The following FAM76A variants were observed in gnomAD, a reference collection of about 807,000 sequenced individuals.
FAM76A encodes protein FAM76A.
A neutral mutation model predicts 46.2 loss-of-function variants in FAM76A; 32 were observed. The ratio of observed to expected loss-of-function variants is 0.69; its 90% CI spans 0.52 to 0.93. The LOEUF is 0.93. Among genes scored for constraint, FAM76A ranks in the 40% least tolerant of loss-of-function variants. FAM76A has a pLI of 0.00. For synonymous variants in FAM76A, 137 were observed against 127.0 expected (o/e 1.08, Z -0.53); for missense variants, 274 against 361.5 (o/e 0.76, Z 1.96).
intron 4 of FAM76A, among the ~76,000 whole-genome samples, chr1:27,741,025 G>A (rs1037197623): frequency 1.3e-4 from 19 of 151,604 alleles, no homozygotes; most frequent in African/African-American, 4.8e-5. Context: ...CCAGCTACTC[G>A]TGAGGCTGAG....
Position 27,732,644 on chromosome 1 carries a change from A to G in FAM76A, c.188A>G (p.Gln63Arg), listed in dbSNP as rs369804232. 3.0e-5 allele frequency: 48 copies of G among 1,609,116 alleles called. No individual in the cohort carries two copies. Among genetic ancestry groups the G allele is most frequent in the Middle Eastern group, 1.6e-4 (1 of 6,070 alleles). Residue 63 changes from glutamine to arginine, a missense_variant, in exon 3 of 9, where the codon CAG becomes CGG. Coordinates refer to ENST00000373954, the MANE Select transcript of FAM76A (RefSeq NM_152660.3). ...TICKKCAQNVQLYGTPKPCQY... is the reference protein window; with the variant it reads ...TICKKCAQNVRLYGTPKPCQY... ...TGCAAGAAATGTGCTCAGAACGTGCAGTTGTATGGAACGGTAAGTAGGATA... is the reference window on the plus strand; with the variant it reads ...TGCAAGAAATGTGCTCAGAACGTGCGGTTGTATGGAACGGTAAGTAGGATA...
In FAM76A at chr1:27,760,798, CTT is replaced by C. The variant is rs1416295985; in HGVS notation, c.*219_*220del. The C allele has an allele frequency of 8.0e-6, 2 of 248,496 alleles. No homozygotes were observed. Among genetic ancestry groups the C allele is most frequent in the African/African-American group, 4.6e-5 (2 of 43,386 alleles). The allele number at this position is 248,496 out of a possible 1,614,324, so 15.4% of individuals were successfully genotyped here. A position where few individuals can be genotyped will look rare whatever the true frequency, so the allele number is the denominator to read the frequency against. On this transcript the variant is annotated 3_prime_UTR_variant, in exon 9 of 9. Coordinates refer to ENST00000373954, the MANE Select transcript of FAM76A (RefSeq NM_152660.3). ...GTGTTTGGGATTTCAAGCTCGCTCT[CTT>C]TCTCTCACTATTAGGACTTTTCTTT...
chr1:27,749,399 A>T (rs758878425), intron 6 of FAM76A, among the ~76,000 whole-genome samples: 3 of 152,082 alleles, frequency 2.0e-5, no homozygotes, highest in Non-Finnish European at 4.4e-5. Context: ...AGACAGTCTC[A>T]CTCTGTCACT....
intron 2 of FAM76A, among the ~76,000 whole-genome samples, chr1:27,731,202 T>A (rs868663008): frequency 0.034 from 4,941 of 146,286 alleles, 298 homozygotes; most frequent in African/African-American, 0.11. Flanking sequence ...ATCAGAATTT[T>A]TTTTTTTTTT....
At chr1:27,734,934 T>A (rs1168023405) in intron 4 of FAM76A, among the ~76,000 whole-genome samples, 1 of 152,230 alleles carries the variant, frequency 6.6e-6, no homozygotes, top group Non-Finnish European at 1.5e-5. Context: ...ATCAAAATGA[T>A]TTAGAGTTTG....
chr1:27,734,214 T>C (rs983201837), intron 4 of FAM76A, 31 bp downstream of exon 4: 4 of 1,563,346 alleles, frequency 2.6e-6, no homozygotes, highest in Non-Finnish European at 3.5e-6. Flanking sequence ...ATTTCTTTTT[T>C]TCCTTTCAGA....
chr1:27,743,975 T>C (rs2088198233), intron 4 of FAM76A, among the ~76,000 whole-genome samples: 1 of 152,086 alleles, frequency 6.6e-6, no homozygotes, highest in Non-Finnish European at 1.5e-5. Flanking sequence ...AATGTGAATT[T>C]TATAATTCAT....
chr1:27,760,051 G>A lies in FAM76A; in HGVS notation c.837+424G>A, dbSNP rs556972606. ...ACCTCACAAAGTGCTAGGATTACAGGCGTGAGCCACCATGCCCAGCCTGTA... is the reference window on the plus strand; with the variant it reads ...ACCTCACAAAGTGCTAGGATTACAGACGTGAGCCACCATGCCCAGCCTGTA... On this transcript the variant is annotated intron_variant, in intron 8 of 8. Coordinates refer to ENST00000373954, the MANE Select transcript of FAM76A (RefSeq NM_152660.3). The A allele has an allele frequency of 2.9e-4, 131 of 455,832 alleles. 2 individuals are homozygous for A. Among genetic ancestry groups the A allele is most frequent in the Non-Finnish European group, 5.5e-4 (124 of 227,090 alleles). 28.2% of individuals were successfully genotyped at this position (455,832 alleles called of 1,614,324 possible).
At chr1:27,751,548 A>G (rs547969300) in intron 6 of FAM76A, among the ~76,000 whole-genome samples, 2 of 145,260 alleles carry the variant, frequency 1.4e-5, no homozygotes, top group South Asian at 4.3e-4. Context: ...CCTGTTGCCC[A>G]GGCTGGAATG....
At chr1:27,737,868 C>CAAAAAAAAA (rs71571865) in intron 4 of FAM76A, among the ~76,000 whole-genome samples, 57 of 62,538 alleles carry the variant, frequency 9.1e-4, no homozygotes, top group Admixed American at 2.0e-3. Flanking sequence ...ACAACAACAA[C>CAAAAAAAAA]AAAAAAAAAA....
chr1:27,726,384 G>A (rs1359682847), intron 1 of FAM76A, among the ~76,000 whole-genome samples: 3 of 152,142 alleles, frequency 2.0e-5, no homozygotes, highest in African/African-American at 7.2e-5. Flanking sequence ...TAGCAACCGT[G>A]GGGATTGTTC....
chr1:27,740,368 C>T, intron 4 of FAM76A: 2 of 1,158,608 alleles, frequency 1.7e-6, no homozygotes, highest in Non-Finnish European at 2.6e-6. Flanking sequence ...TTGGTTATCA[C>T]AGTGGAACCT....
intron 4 of FAM76A, 86 bp from the exon 5 acceptor site, chr1:27,744,568 A>T: frequency 4.8e-6 from 7 of 1,451,488 alleles, no homozygotes; most frequent in Non-Finnish European, 6.7e-6. Context: ...ACTGGGACTG[A>T]ACCCAAAGAT....
At chr1:27,743,468 C>T (rs1407122969) in intron 4 of FAM76A, among the ~76,000 whole-genome samples, 1 of 152,002 alleles carries the variant, frequency 6.6e-6, no homozygotes, top group Non-Finnish European at 1.5e-5. Flanking sequence ...CAAATTTTGT[C>T]ATTTTTTAAA....
Position 27,759,574 on chromosome 1 carries a change from G to A in FAM76A, c.784G>A (p.Ala262Thr), listed in dbSNP as rs770416312. The A allele has an allele frequency of 3.8e-5, 62 of 1,613,796 alleles. No homozygotes were observed. Among genetic ancestry groups the A allele is most frequent in the Non-Finnish European group, 5.0e-5 (59 of 1,179,936 alleles). Residue 262 changes from alanine (A) to threonine (T), a missense_variant, in exon 8 of 9, where the codon GCC (alanine) becomes ACC (threonine). Physicochemically the swap from Ala to Thr is moderately conservative, Grantham distance 58. Transcript: ENST00000373954. ...DFQYQESQMR[A>T]KMNQMEKTHK... Reference sequence around the variant, plus strand: ...TCAGTACCAGGAATCGCAGATGAGAGCCAAAATGAACCAGATGGAGAAAAC... The same window carrying A: ...TCAGTACCAGGAATCGCAGATGAGAACCAAAATGAACCAGATGGAGAAAAC...
intron 5 of FAM76A, among the ~76,000 whole-genome samples, chr1:27,748,469 GT>G (rs1162208303): frequency 0.04 from 4,519 of 112,634 alleles, 122 homozygotes; most frequent in East Asian, 0.22. Context: ...TCTTATTGAA[GT>G]TTTTTTTTTT....
rs116195787 is a variant in FAM76A, at chr1:27,755,346, T to C, written c.735+16T>C. ...AGAGAAGAAGGTATGGTTTAGTTAA[T>C]TCCTCTCTGACCAGAATGATGCGAG... On this transcript the variant is annotated intron_variant, in intron 7 of 8. Transcript: ENST00000373954. The C allele has an allele frequency of 8.6e-4, 1,388 of 1,613,696 alleles. 15 individuals are homozygous for C. In the African/African-American group the frequency reaches 0.016, roughly 18 times the overall value.
rs951819879 is a variant in FAM76A, at chr1:27,758,680, T to G, written c.736-846T>G. The stretch of plus-strand genomic sequence containing the variant: ...CCACACCCAGCTATTTTAATTTTCG[T>G]TTTTTTTTTTTTTTTTTTTGTAGAC... On this transcript the variant is annotated intron_variant, in intron 7 of 8. Coordinates refer to ENST00000373954, the MANE Select transcript of FAM76A (RefSeq NM_152660.3). Among the ~76,000 whole-genome samples, 20 of 119,396 alleles carry G rather than the reference T, an allele frequency of 1.7e-4. 1 individual carries two copies. The highest frequency in any genetic ancestry group is 5.9e-4 in the African/African-American group (15 of 25,364). The allele number at this position is 119,396 out of a possible 152,430, so 78.3% of individuals were successfully genotyped here.
intron 6 of FAM76A, among the ~76,000 whole-genome samples, chr1:27,749,803 A>G (rs1041910688): frequency 1.4e-4 from 22 of 152,238 alleles, no homozygotes; most frequent in African/African-American, 5.3e-4. Context: ...GTGAGGATCC[A>G]CACTTCCTTA....
Sources: allele counts gnomAD v4.1 joint callset (sites outside exome capture counted in the v4.1 genomes callset), GRCh38; gene constraint gnomAD v4.1.1; transcripts MANE v1.5; gene names NCBI Gene and HGNC (gene_info 2026-07-23, HGNC 2026-07-21).